Variants in ZMYND11 observed in about 807,000 individuals in gnomAD.
The protein encoded by ZMYND11 is zinc finger MYND-type containing 11, also known as zinc finger MYND domain-containing protein 11.
A neutral mutation model predicts 84.9 loss-of-function variants in ZMYND11; 9 were observed. The observed-to-expected ratio is 0.11, with a 90% CI of 0.06 to 0.18. The LOEUF is 0.18. ZMYND11 is among the 10% of genes least tolerant of loss of function. The pLI is 1.00. For missense variants in ZMYND11, 409 were observed against 761.0 expected (o/e 0.54, Z 5.44); for synonymous variants, 250 against 244.1 (o/e 1.02, Z -0.23).
chr10:237,626 G>C lies in ZMYND11; in HGVS notation c.558G>C (p.Pro186=). The C allele has an allele frequency of 6.2e-7, 1 of 1,613,536 alleles. No homozygotes were observed. The highest frequency in any genetic ancestry group is 8.5e-7 in the Non-Finnish European group (1 of 1,179,812). ...LNKKGKDNKH[P]MYRRLVHSAV... Reference sequence around the variant, plus strand: ...AAAAGGGGAAGGACAATAAACACCCGATGTACAGGAGGCTGGTGCACTCAG... The same window carrying C: ...AAAAGGGGAAGGACAATAAACACCCCATGTACAGGAGGCTGGTGCACTCAG... The change falls in exon 6 of 15, where the codon CCG becomes CCC. Residue 186 remains proline (P), a synonymous_variant. Coordinates refer to ENST00000381604, the MANE Select transcript of ZMYND11 (RefSeq NM_001370100.5).
intron 3 of ZMYND11, among the ~76,000 whole-genome samples, chr10:216,727 C>G (rs1049825558): frequency 2.6e-5 from 4 of 152,168 alleles, no homozygotes; most frequent in Admixed American, 1.3e-4. Flanking sequence ...AAATACTTTC[C>G]TTCTTATTCA....
intron 2 of ZMYND11, among the ~76,000 whole-genome samples, chr10:201,727 G>A (rs1427944639): frequency 6.6e-6 from 1 of 152,092 alleles, no homozygotes; most frequent in African/African-American, 2.4e-5. Context: ...CACCCTGGGA[G>A]AGAAGGGAGC....
intron 1 of ZMYND11, among the ~76,000 whole-genome samples, chr10:157,428 G>A (rs1323174751): frequency 2.6e-5 from 4 of 152,136 alleles, no homozygotes; most frequent in African/African-American, 9.7e-5. Context: ...TCAAACTCCT[G>A]ACCTCAAGTG....
chr10:249,080 A>C lies in ZMYND11; in HGVS notation c.1678A>C (p.Lys560Gln), dbSNP rs758034609. 4.3e-6 allele frequency: 7 copies of C among 1,614,200 alleles called. No homozygotes were observed. The highest frequency in any genetic ancestry group is 5.1e-6 in the Non-Finnish European group (6 of 1,180,032). ...HKQLISQTKK[K>Q]QWCYNCEEEA... ...GCAACTGATTTCTCAGACCAAGAAG[A>C]AGCAGTGGGTAAATACCAGTCTTTT... Residue 560 changes from lysine to glutamine, a missense_variant, in exon 14 of 15, where the codon AAG becomes CAG. Lys to Gln is a moderately conservative substitution (Grantham distance 53, BLOSUM62 1). Coordinates refer to ENST00000381604, the MANE Select transcript of ZMYND11 (RefSeq NM_001370100.5).
intron 1 of ZMYND11, among the ~76,000 whole-genome samples, chr10:153,179 T>G (rs943279400): frequency 3.3e-5 from 5 of 152,216 alleles, no homozygotes; most frequent in African/African-American, 1.2e-4. Context: ...TTTGCTATTT[T>G]TATCAGATAT....
intron 2 of ZMYND11, chr10:197,991 C>T (rs1472916860): frequency 1.6e-6 from 1 of 642,916 alleles, no homozygotes; most frequent in Non-Finnish European, 2.8e-6. Flanking sequence ...TTAGTTGTAT[C>T]ATTGTTATAA....
chr10:251,971 G>A (rs1047535272), intron 14 of ZMYND11, among the ~76,000 whole-genome samples: 1 of 152,196 alleles, frequency 6.6e-6, no homozygotes, highest in African/African-American at 2.4e-5. Flanking sequence ...GACGAGAGAA[G>A]AATTTGAAAT....
chr10:231,064 T>G (rs553742862), intron 4 of ZMYND11, among the ~76,000 whole-genome samples: 2 of 152,346 alleles, frequency 1.3e-5, no homozygotes, highest in East Asian at 3.9e-4. Flanking sequence ...AAAATTCAAA[T>G]TTTAGTATCC....
rs753513169 is a variant in ZMYND11 at position 248,621 on chromosome 10, G to A, written c.1500+13G>A. On this transcript the variant is annotated intron_variant, in intron 13 of 14. Coordinates refer to ENST00000381604, the MANE Select transcript of ZMYND11 (RefSeq NM_001370100.5). ...AGCTCTGGAGAAGGTAATGCTTGTC[G>A]CCACTGTGGGTGCCCTGCTGCAGCC... 3.2e-5 allele frequency: 51 copies of A among 1,584,932 alleles called. No homozygotes were observed. The highest frequency in any genetic ancestry group is 1.7e-4 in the Middle Eastern group (1 of 5,960).
At chr10:189,171 G>A (rs1371244537) in intron 2 of ZMYND11, among the ~76,000 whole-genome samples, 1 of 152,204 alleles carries the variant, frequency 6.6e-6, no homozygotes, top group African/African-American at 2.4e-5. Context: ...ACATTTCTGA[G>A]TTCTCCTGGA....
rs1952289416 is a variant in ZMYND11 at position 246,993 on chromosome 10, G to A, written c.1158+20G>A. ...GAGCAGGTGAGTGTGTCTCCGGAAG[G>A]AAGTGCCTATTCATTATTACTTTTA... On this transcript the variant is annotated intron_variant, in intron 11 of 14. Transcript: ENST00000381604. 1.9e-6 allele frequency: 3 copies of A among 1,575,412 alleles called. No individual in the cohort carries two copies. The highest frequency in any genetic ancestry group is 1.2e-5 in the South Asian group (1 of 86,436).
intron 2 of ZMYND11, 55 bp downstream of exon 2, chr10:180,183 G>A: frequency 1.4e-6 from 2 of 1,441,924 alleles, no homozygotes; most frequent in Middle Eastern, 1.8e-4. Context: ...GACTTTGGGG[G>A]AAAGGCCAAA....
At position 236,916 on chromosome 10, in the gene ZMYND11, G is replaced by C. The variant is rs1478248747; in HGVS notation, c.516+1G>C. On this transcript the variant is annotated splice_donor_variant, in intron 5 of 14. Transcript: ENST00000381604. LOFTEE classifies it high-confidence loss of function. ...CATTGTCTCCCGCATGAAGGAGAGG[G>C]TGAGTCCTGCTCAGGGAATCTTTCA... The C allele has an allele frequency of 6.2e-7, 1 of 1,612,140 alleles. No homozygotes were observed. Among genetic ancestry groups the C allele is most frequent in the African/African-American group, 1.3e-5 (1 of 74,804 alleles).
chr10:200,324 A>AT (rs1942889565), intron 2 of ZMYND11, among the ~76,000 whole-genome samples: 1 of 127,508 alleles, frequency 7.8e-6, no homozygotes. Flanking sequence ...ATAACATATA[A>AT]TATGTATTAT....
At chr10:226,566 T>G (rs1206150917) in intron 4 of ZMYND11, among the ~76,000 whole-genome samples, 1 of 152,190 alleles carries the variant, frequency 6.6e-6, no homozygotes, top group African/African-American at 2.4e-5. Context: ...TAAATGCAGT[T>G]TTCATATTTA....
intron 4 of ZMYND11, among the ~76,000 whole-genome samples, chr10:224,407 A>T (rs1283492260): frequency 6.6e-6 from 1 of 152,198 alleles, no homozygotes; most frequent in African/African-American, 2.4e-5. Flanking sequence ...TGCTTTATGG[A>T]CACAGTAGAT....
intron 1 of ZMYND11, among the ~76,000 whole-genome samples, chr10:179,162 A>T (rs1847302320): frequency 6.6e-6 from 1 of 152,168 alleles, no homozygotes; most frequent in Non-Finnish European, 1.5e-5. Flanking sequence ...CGCTTACCAG[A>T]TTCCTACAAG....
At chr10:214,916 C>T (rs915340900) in intron 3 of ZMYND11, among the ~76,000 whole-genome samples, 9 of 152,156 alleles carry the variant, frequency 5.9e-5, no homozygotes, top group Admixed American at 1.3e-4. Flanking sequence ...TAATATCTTA[C>T]GAGTTATACT....
Position 221,260 on chromosome 10 carries a change from A to C in ZMYND11, c.342A>C (p.Ile114=). The change falls in exon 4 of 15, where the codon ATA becomes ATC. Residue 114 remains isoleucine, a synonymous_variant. Transcript: ENST00000381604. ...FECHLPGEVL[I]CDLCFRVYHS... is the part of the protein sequence containing the mutation. ...GCCATTTGCCTGGAGAGGTGTTGAT[A>C]TGTGACCTGTGTTTTCGTGTGTATC... 1 of 1,613,986 alleles carries C rather than the reference A, an allele frequency of 6.2e-7. No homozygotes were observed. Among genetic ancestry groups the C allele is most frequent in the Non-Finnish European group, 8.5e-7 (1 of 1,179,886 alleles).
Sources: allele counts gnomAD v4.1 joint callset (sites outside exome capture counted in the v4.1 genomes callset), GRCh38; gene constraint gnomAD v4.1.1; transcripts MANE v1.5; gene names NCBI Gene and HGNC (gene_info 2026-07-23, HGNC 2026-07-21).